The following AK9 variants were observed in gnomAD, a reference collection of about 807,000 sequenced individuals.
The protein encoded by AK9 is adenylate kinase domain containing 1.
In AK9, 191 loss-of-function variants were observed where a neutral mutation model predicts 239.6. That is an observed-to-expected ratio of 0.80 (90% CI 0.71 to 0.90). The LOEUF is 0.90. AK9 is among the 40% of genes least tolerant of loss of function. The pLI, the probability that AK9 is intolerant of heterozygous loss-of-function variation, is 0.00. For missense variants in AK9, 1,995 were observed against 2,214.7 expected, an observed-to-expected ratio of 0.90 and a Z score of 1.99; for synonymous variants, 689 against 721.0, an observed-to-expected ratio of 0.96 and a Z score of 0.71.
intron 25 of AK9, 52 bp downstream of exon 25, chr6:109,550,038 G>A (rs1784165854): frequency 1.3e-6 from 2 of 1,557,040 alleles, no homozygotes; most frequent in African/African-American, 2.7e-5. Flanking sequence ...TTGGTAATCA[G>A]TCCCAAAAAA....
At chr6:109,597,532 G>T (rs189134399) in intron 17 of AK9, among the ~76,000 whole-genome samples, 4 of 152,088 alleles carry the variant, frequency 2.6e-5, no homozygotes, top group African/African-American at 9.7e-5. Flanking sequence ...AATTAGCCAG[G>T]TGTGGTGGCG....
At chr6:109,637,972 G>A (rs1159358901) in intron 10 of AK9, among the ~76,000 whole-genome samples, 2 of 152,180 alleles carry the variant, frequency 1.3e-5, no homozygotes, top group African/African-American at 4.8e-5. Context: ...TCAGGGATTT[G>A]TGTTTGTAGT....
intron 8 of AK9, among the ~76,000 whole-genome samples, chr6:109,656,126 A>C (rs1345038314): frequency 1.3e-5 from 2 of 152,290 alleles, no homozygotes; most frequent in South Asian, 4.1e-4. Context: ...AGTTCAATAA[A>C]TGTTTGTTGA....
chr6:109,536,856 G>C (rs1782069790), intron 27 of AK9, among the ~76,000 whole-genome samples: 1 of 152,208 alleles, frequency 6.6e-6, no homozygotes, highest in Non-Finnish European at 1.5e-5. Context: ...CATCTATTGA[G>C]ATAACCATCT....
intron 37 of AK9, 91 bp downstream of exon 37, chr6:109,497,705 G>T: frequency 3.4e-6 from 5 of 1,462,488 alleles, no homozygotes; most frequent in South Asian, 1.3e-5. Context: ...AAACAACAGC[G>T]AACTTTTGAC....
chr6:109,632,657 T>G, intron 12 of AK9: 1 of 716,968 alleles, frequency 1.4e-6, no homozygotes, highest in Non-Finnish European at 1.9e-6. Flanking sequence ...GGTGGCAGAG[T>G]CTGAATGACA....
At chr6:109,663,464 G>A (rs562720197) in intron 5 of AK9, among the ~76,000 whole-genome samples, 3 of 152,234 alleles carry the variant, frequency 2.0e-5, no homozygotes, top group African/African-American at 7.2e-5. Flanking sequence ...CCCTGTCACT[G>A]CAAGGACAAA....
At chr6:109,672,685 CAAAATAAAAATAA>C (rs1771106362) in intron 3 of AK9, among the ~76,000 whole-genome samples, 1 of 151,674 alleles carries the variant, frequency 6.6e-6, no homozygotes, top group South Asian at 2.1e-4. Context: ...GGGCGTGTCT[CAAAATAAAAATAA>C]AAAATAAAAA....
At position 109,586,026 on chromosome 6, in the gene AK9, C is replaced by G. The variant is rs1789464243; in HGVS notation, c.1889G>C (p.Gly630Ala). ...AGGGCAGTTGTCCACAATCCAGCCT[C>G]CATATTTTGGGGCACCAGGAAACCT... ...KDRFPGAPKY[G>A]GWIVDNCPIV... is the part of the protein sequence containing the mutation. Residue 630 changes from glycine to alanine, a missense_variant, in exon 18 of 41, where the codon GGA (glycine) becomes GCA (alanine). Coordinates refer to ENST00000424296, the MANE Select transcript of AK9 (RefSeq NM_001145128.3). The G allele has an allele frequency of 1.3e-6, 2 of 1,551,284 alleles. No homozygotes were observed. The highest frequency in any genetic ancestry group is 1.7e-6 in the Non-Finnish European group (2 of 1,146,878).
intron 17 of AK9, among the ~76,000 whole-genome samples, chr6:109,592,716 T>G (rs1176483038): frequency 1.3e-5 from 2 of 152,026 alleles, no homozygotes; most frequent in Non-Finnish European, 2.9e-5. Flanking sequence ...AAAGTGCTGG[T>G]TTTACAGGCA....
intron 1 of AK9, among the ~76,000 whole-genome samples, chr6:109,688,046 G>A (rs2128367968): frequency 6.6e-6 from 1 of 152,312 alleles, no homozygotes; most frequent in East Asian, 1.9e-4. Context: ...AGGTGATGAA[G>A]GATAGGCATG....
chr6:109,656,644 G>A (rs1799733420), intron 8 of AK9, 112 bp downstream of exon 8: 1 of 1,212,984 alleles, frequency 8.2e-7, no homozygotes, highest in Non-Finnish European at 1.1e-6. Flanking sequence ...AAAGCTCAAG[G>A]GGAGAATCAG....
intron 34 of AK9, 31 bp downstream of exon 34, chr6:109,506,623 C>T (rs1472942610): frequency 6.5e-7 from 1 of 1,531,440 alleles, no homozygotes; most frequent in Non-Finnish European, 8.8e-7. Flanking sequence ...AAAGTTTATT[C>T]CTTTTTTGTT....
At chr6:109,635,915 A>G (rs150634073) in intron 10 of AK9, among the ~76,000 whole-genome samples, 1 of 152,360 alleles carries the variant, frequency 6.6e-6, no homozygotes, top group African/African-American at 2.4e-5. Flanking sequence ...TGCCCCTGCA[A>G]TGCAGCTGTT....
In AK9 at chr6:109,533,248, T is replaced by G; in HGVS notation, c.3570+3A>C. 6.2e-7 allele frequency: 1 copy of G among 1,600,914 alleles called. No individual in the cohort carries two copies. Among genetic ancestry groups the G allele is most frequent in the Non-Finnish European group, 8.5e-7 (1 of 1,173,336 alleles). ...ATTCAATGCATTTTTGCTAGATACA[T>G]ACCCTGATTTTTGCCTTCATGTCTT... On this transcript the variant is annotated splice_donor_region_variant and intron_variant, in intron 28 of 40. Coordinates refer to ENST00000424296, the MANE Select transcript of AK9 (RefSeq NM_001145128.3).
intron 17 of AK9, among the ~76,000 whole-genome samples, chr6:109,603,395 T>C (rs1213930508): frequency 6.6e-6 from 1 of 152,204 alleles, no homozygotes; most frequent in African/African-American, 2.4e-5. Context: ...CGAATATTGC[T>C]GAACGGGAAA....
chr6:109,582,846 T>A (rs1388648790), intron 19 of AK9, among the ~76,000 whole-genome samples: 2 of 152,102 alleles, frequency 1.3e-5, no homozygotes, highest in Admixed American at 6.5e-5. Context: ...TTCATCATTG[T>A]CCTAGTTTAA....
intron 12 of AK9, among the ~76,000 whole-genome samples, chr6:109,627,412 ATTG>A (rs1357456481): frequency 3.3e-5 from 5 of 152,126 alleles, no homozygotes; most frequent in African/African-American, 1.2e-4. Context: ...CATTAACATC[ATTG>A]TTTTTTATTG....
intron 8 of AK9, among the ~76,000 whole-genome samples, chr6:109,655,259 A>T (rs1799525315): frequency 6.6e-6 from 1 of 152,184 alleles, no homozygotes; most frequent in East Asian, 1.9e-4. Context: ...CATGGAAATG[A>T]TATTTCATTA....
Sources: gnomAD v4.1 joint callset for allele counts (sites outside exome capture counted in the v4.1 genomes callset) on GRCh38, gnomAD v4.1.1 for gene constraint, MANE v1.5 for transcripts, NCBI Gene and HGNC (gene_info 2026-07-23, HGNC 2026-07-21) for gene names.